The following AUTS2 variants were observed in gnomAD, a reference collection of about 807,000 sequenced individuals.
AUTS2 encodes activator of transcription and developmental regulator AUTS2.
Under a neutral mutation model 112.4 loss-of-function variants are expected in AUTS2, and 17 were observed. The ratio of observed to expected loss-of-function variants is 0.15; its 90% confidence interval spans 0.10 to 0.23. The LOEUF (loss-of-function observed/expected upper bound fraction) is 0.23, where lower values mean the gene tolerates loss of function less well. Among genes scored for constraint, AUTS2 ranks in the 10% least tolerant of loss-of-function variants. AUTS2 has a pLI of 1.00. For synonymous variants in AUTS2, 751 were observed against 702.7 expected (o/e 1.07, Z -1.09); for missense variants, 1,510 against 1,701.6 (o/e 0.89, Z 1.98).
chr7:69,995,381 C>T (rs1483289259), intron 2 of AUTS2, among the ~76,000 whole-genome samples: 5 of 152,094 alleles, frequency 3.3e-5, no homozygotes, highest in African/African-American at 9.7e-5. Flanking sequence ...TGACTTAATG[C>T]TTTACTACAC....
chr7:70,278,664 CT>C (rs1788061593), intron 4 of AUTS2, among the ~76,000 whole-genome samples: 1 of 152,064 alleles, frequency 6.6e-6, no homozygotes, highest in Non-Finnish European at 1.5e-5. Context: ...TGAGGATTCA[CT>C]TTAAAAAGCA....
At chr7:70,030,163 GTGT>G (rs1800709473) in intron 2 of AUTS2, among the ~76,000 whole-genome samples, 1 of 152,176 alleles carries the variant, frequency 6.6e-6, no homozygotes, top group Admixed American at 6.6e-5. Flanking sequence ...GGAATCACAG[GTGT>G]TGTTGTGGAT....
At chr7:70,784,726 T>G in intron 15 of AUTS2, 1 of 489,266 alleles carries the variant, frequency 2.0e-6, no homozygotes, top group Non-Finnish European at 3.4e-6. Flanking sequence ...AGAGGGATGA[T>G]TGATTTTCTG....
At chr7:70,066,662 C>T (rs1360198726) in intron 2 of AUTS2, among the ~76,000 whole-genome samples, 1 of 151,750 alleles carries the variant, frequency 6.6e-6, no homozygotes, top group Non-Finnish European at 1.5e-5. Context: ...CTTCAGCCCT[C>T]CTGAATAGCT....
intron 1 of AUTS2, among the ~76,000 whole-genome samples, chr7:69,820,695 G>A (rs1790951895): frequency 1.3e-5 from 2 of 152,176 alleles, no homozygotes; most frequent in African/African-American, 4.8e-5. Flanking sequence ...GTGTTTGCTG[G>A]GGAGAGAAGT....
intron 5 of AUTS2, among the ~76,000 whole-genome samples, chr7:70,630,744 G>A (rs1186235809): frequency 6.6e-6 from 1 of 152,234 alleles, no homozygotes; most frequent in Non-Finnish European, 1.5e-5. Flanking sequence ...CCTTTGAGCT[G>A]CCTCTAACAG....
intron 5 of AUTS2, among the ~76,000 whole-genome samples, chr7:70,438,347 G>T (rs1483287970): frequency 6.6e-6 from 1 of 152,136 alleles, no homozygotes; most frequent in Non-Finnish European, 1.5e-5. Context: ...AGTGGCAATG[G>T]CAAGAAGGGA....
chr7:70,002,039 T>A (rs1197490620), intron 2 of AUTS2, among the ~76,000 whole-genome samples: 1 of 152,184 alleles, frequency 6.6e-6, no homozygotes, highest in Admixed American at 6.5e-5. Flanking sequence ...TTAAATGCAT[T>A]TTGGCTTTAA....
intron 2 of AUTS2, among the ~76,000 whole-genome samples, chr7:70,068,166 G>T (rs1802580937): frequency 6.6e-6 from 1 of 151,120 alleles, no homozygotes; most frequent in Non-Finnish European, 1.5e-5. Flanking sequence ...AACATAAGTA[G>T]ATTTTTTTTT....
intron 1 of AUTS2, among the ~76,000 whole-genome samples, chr7:69,823,987 GT>G (rs1283935995): frequency 3.3e-5 from 5 of 152,098 alleles, no homozygotes; most frequent in African/African-American, 4.8e-5. Flanking sequence ...CTTTGCCTCA[GT>G]TTTTTCATCT....
At chr7:70,015,371 A>G (rs1367589987) in intron 2 of AUTS2, among the ~76,000 whole-genome samples, 1 of 152,232 alleles carries the variant, frequency 6.6e-6, no homozygotes, top group African/African-American at 2.4e-5. Context: ...CCATTTTTAC[A>G]GATGCCAAAA....
rs150533936 is a variant in AUTS2 at position 70,679,072 on chromosome 7, C to G, written c.691-19497C>G. On this transcript the variant is annotated intron_variant, in intron 5 of 18. Transcript: ENST00000342771. ...CCTGCATGGTATATGTAATCATATA[C>G]CAAGCATAATGAGAGACAAAGGAAA... Among the ~76,000 whole-genome samples, 25 of 152,100 alleles carry G rather than the reference C, an allele frequency of 1.6e-4. No individual in the cohort carries two copies. In the East Asian group the frequency reaches 4.6e-3, roughly 28 times the overall value.
chr7:69,705,067 G>C (rs912645124), intron 1 of AUTS2, among the ~76,000 whole-genome samples: 2 of 152,086 alleles, frequency 1.3e-5, no homozygotes, highest in African/African-American at 2.4e-5. Context: ...GGGTTTCACC[G>C]TGTTGCCCAT....
intron 4 of AUTS2, chr7:70,290,288 A>G (rs1788649465): frequency 7.5e-7 from 1 of 1,331,098 alleles, no homozygotes; most frequent in Non-Finnish European, 9.7e-7. Context: ...TGATGTAAAA[A>G]AAACATTTAG....
At chr7:70,633,785 G>A (rs1805397327) in intron 5 of AUTS2, among the ~76,000 whole-genome samples, 1 of 152,086 alleles carries the variant, frequency 6.6e-6, no homozygotes, top group Admixed American at 6.5e-5. Flanking sequence ...GTGTGGTAAT[G>A]TTCTTACTCT....
chr7:70,754,714 G>C (rs2129555818), intron 6 of AUTS2, among the ~76,000 whole-genome samples: 1 of 152,318 alleles, frequency 6.6e-6, no homozygotes, highest in Non-Finnish European at 1.5e-5. Context: ...ACAGTAACGA[G>C]AGAAGCTAAC....
chr7:70,428,375 G>A (rs577367044), intron 4 of AUTS2, among the ~76,000 whole-genome samples: 8 of 152,156 alleles, frequency 5.3e-5, no homozygotes, highest in Non-Finnish European at 1.2e-4. Flanking sequence ...GATGGTGAAC[G>A]TGTTTTTAGT....
At chr7:69,788,533 A>G (rs1212540883) in intron 1 of AUTS2, among the ~76,000 whole-genome samples, 3 of 152,196 alleles carry the variant, frequency 2.0e-5, no homozygotes, top group Non-Finnish European at 4.4e-5. Context: ...GAAATAAATG[A>G]AAGTGATTAT....
intron 4 of AUTS2, among the ~76,000 whole-genome samples, chr7:70,252,422 C>G (rs764928446): frequency 2.0e-5 from 3 of 151,924 alleles, no homozygotes; most frequent in Non-Finnish European, 2.9e-5. Context: ...CTATTTAGGC[C>G]CTTTGCCCAT....
Sources: allele counts gnomAD v4.1 joint callset (sites outside exome capture counted in the v4.1 genomes callset), GRCh38; gene constraint gnomAD v4.1.1; transcripts MANE v1.5; gene names NCBI Gene and HGNC (gene_info 2026-07-23, HGNC 2026-07-21).